Variants in EYA3 observed in about 807,000 individuals in gnomAD.
The protein encoded by EYA3 is protein phosphatase EYA3.
Under a neutral mutation model 80.0 loss-of-function variants are expected in EYA3, and 39 were observed. The observed-to-expected ratio is 0.49, with a 90% CI of 0.38 to 0.64. The LOEUF (loss-of-function observed/expected upper bound fraction) is 0.64. EYA3 is among the 30% of genes least tolerant of loss of function. EYA3 has a pLI of 0.00. For synonymous variants in EYA3, 206 were observed against 232.8 expected, an observed-to-expected ratio of 0.88 and a Z score of 1.05; for missense variants, 523 against 676.1, an observed-to-expected ratio of 0.77 and a Z score of 2.51.
intron 1 of EYA3, among the ~76,000 whole-genome samples, chr1:28,073,025 G>T (rs1241877856): frequency 1.4e-4 from 20 of 145,384 alleles, no homozygotes; most frequent in African/African-American, 4.9e-4. Context: ...ACAGATTAGT[G>T]GTTGCCAGTG....
At chr1:28,048,906 T>C (rs1269535514) in intron 2 of EYA3, among the ~76,000 whole-genome samples, 1 of 152,190 alleles carries the variant, frequency 6.6e-6, no homozygotes, top group East Asian at 1.9e-4. Context: ...ACCCTGTATT[T>C]TTTCTTTTCA....
At chr1:27,998,059 C>G (rs1182080180) in intron 12 of EYA3, among the ~76,000 whole-genome samples, 2 of 152,202 alleles carry the variant, frequency 1.3e-5, no homozygotes, top group African/African-American at 4.8e-5. Flanking sequence ...CATGCTACTA[C>G]TGACATAAAA....
chr1:27,975,489 T>A lies in EYA3; in HGVS notation c.1642-943A>T, dbSNP rs575170600. Among the ~76,000 whole-genome samples, 593 of 90,012 alleles carry A rather than the reference T, an allele frequency of 6.6e-3. 10 individuals are homozygous for A. The highest frequency in any genetic ancestry group is 8.0e-3 in the Non-Finnish European group (290 of 36,226). 59.1% of individuals were successfully genotyped at this position (90,012 alleles called of 152,430 possible). ...GAGCCACTGTGCCTGGAGGCCATAT[T>A]TTTTTTTTTTTTTTGAGACAGAGTC... is the stretch of plus-strand genomic sequence containing the variant. On this transcript the variant is annotated intron_variant, in intron 17 of 17. Coordinates refer to ENST00000373871, the MANE Select transcript of EYA3 (RefSeq NM_001990.4).
chr1:27,988,950 C>T (rs10493035), intron 15 of EYA3, among the ~76,000 whole-genome samples: 10,322 of 152,164 alleles, frequency 0.068, 615 homozygotes, highest in East Asian at 0.25. Flanking sequence ...TTGATAAATA[C>T]CACCAACCCA....
rs532631730 is a variant in EYA3 at position 27,974,353 on chromosome 1, T to G, written c.*113A>C. The G allele has an allele frequency of 2.5e-4, 158 of 630,924 alleles. No homozygotes were observed. Among genetic ancestry groups the G allele is most frequent in the East Asian group, 6.1e-4 (21 of 34,294 alleles). The allele number at this position is 630,924 out of a possible 1,614,324, so 39.1% of individuals were successfully genotyped here. ...AGAGAAAGAGAGAAAGAGAGAGAGA[T>G]AGAGACAGAGACACAGAGAGAGACA... On this transcript the variant is annotated 3_prime_UTR_variant, in exon 18 of 18. Transcript: ENST00000373871.
chr1:27,976,402 G>C (rs1638930393), intron 17 of EYA3, among the ~76,000 whole-genome samples: 1 of 152,138 alleles, frequency 6.6e-6, no homozygotes. Flanking sequence ...GGAGGCTGCA[G>C]TGAGCCAAGA....
chr1:27,971,495 G>A lies in EYA3; in HGVS notation c.*2971C>T, dbSNP rs1368078016. On this transcript the variant is annotated 3_prime_UTR_variant, in exon 18 of 18. Transcript: ENST00000373871. The stretch of plus-strand genomic sequence containing the variant: ...TGTAATCTCAGCTAATCAGGAGGCT[G>A]AGGTAGGAGAATCGCTTGAACCTGG... 6.6e-6 allele frequency: 1 copy of A among 151,922 alleles called. No homozygotes were observed. Among genetic ancestry groups the A allele is most frequent in the Non-Finnish European group, 1.5e-5 (1 of 68,286 alleles). The allele number at this position is 151,922 out of a possible 1,614,324, so 9.4% of individuals were successfully genotyped here.
At position 28,011,090 on chromosome 1, in the gene EYA3, G is replaced by T; in HGVS notation, c.770-4C>A. 1.1e-5 allele frequency: 18 copies of T among 1,609,640 alleles called. No homozygotes were observed. The highest frequency in any genetic ancestry group is 1.5e-5 in the Non-Finnish European group (18 of 1,178,684). On this transcript the variant is annotated splice_region_variant and splice_polypyrimidine_tract_variant and intron_variant, in intron 9 of 17. Transcript: ENST00000373871. Reference sequence around the variant, plus strand: ...GATGGACTTGTAGAAGGGTCTCCTGGAAAGAAAAAGTGAAACATATGTTGT... The same window carrying T: ...GATGGACTTGTAGAAGGGTCTCCTGTAAAGAAAAAGTGAAACATATGTTGT...
intron 16 of EYA3, among the ~76,000 whole-genome samples, chr1:27,985,191 C>T (rs1571713148): frequency 1.3e-5 from 2 of 152,158 alleles, no homozygotes; most frequent in East Asian, 1.9e-4. Context: ...GATTGTCCCA[C>T]CTCAGCCTCC....
At chr1:28,010,888 G>C in intron 10 of EYA3, 59 bp downstream of exon 10, 4 of 1,559,612 alleles carry the variant, frequency 2.6e-6, no homozygotes, top group Admixed American at 1.9e-5. Context: ...AAACATGTTT[G>C]ATAAACTTAA....
chr1:28,049,179 G>A (rs1028496050), intron 2 of EYA3, among the ~76,000 whole-genome samples: 24 of 152,088 alleles, frequency 1.6e-4, no homozygotes, highest in African/African-American at 5.8e-4. Context: ...TGAAGCAAGC[G>A]TATCAGGTGG....
rs1374926235 is a variant in EYA3 at position 27,997,378 on chromosome 1, C to T, written c.1084G>A (p.Glu362Lys). The change falls in exon 13 of 18, where the codon GAG becomes AAG. Residue 362 changes from glutamate to lysine, a missense_variant and splice_region_variant. Transcript: ENST00000373871. ...DTHLFFNDLE[E>K]CDQVHVEDVA... ...TCTTCCACATGTACCTGGTCACACTCCTGTTAAAAGACAAAACATATTACT... is the reference window on the plus strand; with the variant it reads ...TCTTCCACATGTACCTGGTCACACTTCTGTTAAAAGACAAAACATATTACT... 9 of 1,613,810 alleles carry T rather than the reference C, an allele frequency of 5.6e-6. No individual in the cohort carries two copies. Among genetic ancestry groups the T allele is most frequent in the Non-Finnish European group, 7.6e-6 (9 of 1,179,848 alleles).
chr1:27,988,656 T>G lies in EYA3; in HGVS notation c.1419A>C (p.Arg473Ser). 1 of 1,613,170 alleles carries G rather than the reference T, an allele frequency of 6.2e-7. No individual in the cohort carries two copies. Among genetic ancestry groups the G allele is most frequent in the Non-Finnish European group, 8.5e-7 (1 of 1,179,788 alleles). Residue 473 changes from arginine (R) to serine (S), a missense_variant and splice_region_variant, in exon 16 of 18, where the codon AGA (arginine) becomes AGC (serine). Physicochemically the swap from Arg to Ser is moderately radical, Grantham distance 110. Transcript: ENST00000373871. The stretch of plus-strand genomic sequence containing the variant: ...TGATCAGAACATTCACACAATTCTT[T>G]CTATAAGGGAGTAAAAGGGAAAAGA... ...ALKSLLLIQS[R>S]KNCVNVLITT... is the part of the protein sequence containing the mutation.
At chr1:27,976,864 T>A (rs1479245360) in intron 17 of EYA3, 1 of 215,402 alleles carries the variant, frequency 4.6e-6, no homozygotes, top group East Asian at 1.9e-4. Flanking sequence ...ATTACAGGAG[T>A]GCACCACCAT....
At position 28,009,303 on chromosome 1, in the gene EYA3, A is replaced by G. The variant is rs1488395355; in HGVS notation, c.909+1644T>C. 6.6e-6 allele frequency among the ~76,000 whole-genome samples: 1 copy of G among 152,246 alleles called. No homozygotes were observed. Among genetic ancestry groups the G allele is most frequent in the Admixed American group, 6.5e-5 (1 of 15,282 alleles). ...GGTATATACATATAATAAAATATTC[A>G]GACATAAAAAGGAATGAAATTCTGG... On this transcript the variant is annotated intron_variant, in intron 10 of 17. Transcript: ENST00000373871. This position sits in a 1 kb window ranked among gnomAD's most constrained non-coding sequence, Gnocchi z 4.8.
chr1:28,019,862 G>A (rs1052678673), intron 7 of EYA3, among the ~76,000 whole-genome samples: 2 of 151,712 alleles, frequency 1.3e-5, no homozygotes, highest in Non-Finnish European at 2.9e-5. Flanking sequence ...CACCAAGCCC[G>A]GCTAATGCTG....
intron 1 of EYA3, among the ~76,000 whole-genome samples, chr1:28,073,127 A>ATATATATATATATATATATTTTTTT (rs1553157671): frequency 6.7e-5 from 1 of 14,998 alleles, no homozygotes; most frequent in African/African-American, 3.2e-4. Flanking sequence ...ATATATATAT[A>ATATATATATATATATATATTTTTTT]TTTTTTTTTT....
At chr1:28,012,166 C>T (rs1641738505) in intron 9 of EYA3, among the ~76,000 whole-genome samples, 1 of 152,132 alleles carries the variant, frequency 6.6e-6, no homozygotes. Context: ...ACAAAATTGT[C>T]TATAAGTTGA....
intron 15 of EYA3, among the ~76,000 whole-genome samples, chr1:27,989,106 C>T (rs1639858328): frequency 1.3e-5 from 2 of 152,214 alleles, no homozygotes; most frequent in South Asian, 2.1e-4. Context: ...CTAGAATACA[C>T]ATTAATTTTA....
Sources: allele counts gnomAD v4.1 joint callset (sites outside exome capture counted in the v4.1 genomes callset), GRCh38; gene constraint gnomAD v4.1.1; non-coding constraint Gnocchi (gnomAD v3.1); transcripts MANE v1.5; gene names NCBI Gene and HGNC (gene_info 2026-07-23, HGNC 2026-07-21).